Variants in CSRNP3 observed in about 807,000 individuals in gnomAD.
The protein encoded by CSRNP3 is cysteine and serine rich nuclear protein 3.
A neutral mutation model predicts 48.0 loss-of-function variants in CSRNP3; 12 were observed. The observed-to-expected ratio is 0.25, with a 90% CI of 0.16 to 0.41. CSRNP3 has a LOEUF of 0.41. CSRNP3 is among the 10% of genes least tolerant of loss of function. The probability of loss-of-function intolerance (pLI) is 1.00; values close to 1 mark genes in which losing one functional copy is unlikely to be tolerated. For missense variants in CSRNP3, 580 were observed against 724.4 expected, an observed-to-expected ratio of 0.80 and a Z score of 2.29; for synonymous variants, 263 against 269.7, an observed-to-expected ratio of 0.98 and a Z score of 0.24.
chr2:165,628,439 A>G (rs1686475321), intron 4 of CSRNP3, among the ~76,000 whole-genome samples: 1 of 152,100 alleles, frequency 6.6e-6, no homozygotes. Context: ...AAACATCAGT[A>G]TTGGCTGGGC....
intron 4 of CSRNP3, among the ~76,000 whole-genome samples, chr2:165,616,362 A>T (rs1686243218): frequency 6.6e-6 from 1 of 152,100 alleles, no homozygotes; most frequent in African/African-American, 2.4e-5. Flanking sequence ...CTGTACCAGT[A>T]CATTTTATAC....
chr2:165,680,606 T>C lies in CSRNP3; in HGVS notation c.*853T>C, dbSNP rs1687517314. 6.6e-6 allele frequency: 1 copy of C among 152,540 alleles called. No homozygotes were observed. The highest frequency in any genetic ancestry group is 1.5e-5 in the Non-Finnish European group (1 of 68,010). 9.4% of individuals were successfully genotyped at this position (152,540 alleles called of 1,614,324 possible). A position where few individuals can be genotyped will look rare whatever the true frequency, so the allele number is the denominator to read the frequency against. On this transcript the variant is annotated 3_prime_UTR_variant, in exon 7 of 7. Coordinates refer to ENST00000651982, the MANE Select transcript of CSRNP3 (RefSeq NM_001172173.2). ...TAGCTTGGACAGCACCTTTAAGCTC[T>C]ACCCCCTACATCAAAATGCACTTTA...
chr2:165,612,395 C>G (rs1686153213), intron 4 of CSRNP3, among the ~76,000 whole-genome samples: 1 of 152,016 alleles, frequency 6.6e-6, no homozygotes, highest in Non-Finnish European at 1.5e-5. Flanking sequence ...CAGTAATGGA[C>G]TAGAAATGAT....
intron 2 of CSRNP3, among the ~76,000 whole-genome samples, chr2:165,496,649 G>GAAA (rs1684287052): frequency 6.6e-6 from 1 of 151,948 alleles, no homozygotes; most frequent in Admixed American, 6.6e-5. Context: ...GAGCACTGCA[G>GAAA]GAGTTACCTA....
intron 1 of CSRNP3, among the ~76,000 whole-genome samples, chr2:165,484,591 A>C (rs1370826446): frequency 1.3e-5 from 2 of 152,176 alleles, no homozygotes; most frequent in African/African-American, 4.8e-5. Flanking sequence ...TCTGTATTAT[A>C]GGGTGTTTTT....
At chr2:165,652,431 G>A (rs538581134) in intron 4 of CSRNP3, among the ~76,000 whole-genome samples, 9 of 151,826 alleles carry the variant, frequency 5.9e-5, no homozygotes, top group East Asian at 2.0e-4. Context: ...CCCAGGAGGC[G>A]GAGGTTGCAG....
intron 3 of CSRNP3, among the ~76,000 whole-genome samples, chr2:165,583,808 T>G (rs549342382): frequency 2.6e-5 from 4 of 151,996 alleles, no homozygotes; most frequent in Non-Finnish European, 5.9e-5. Context: ...TAGAACAAAT[T>G]AAACAAACAC....
In CSRNP3 at chr2:165,687,048, CTT is replaced by C. The variant is rs1481961874; in HGVS notation, c.*7296_*7297del. On this transcript the variant is annotated 3_prime_UTR_variant, in exon 7 of 7. Coordinates refer to ENST00000651982, the MANE Select transcript of CSRNP3 (RefSeq NM_001172173.2). ...TTCCTTGGCAACACAATTCAGCTCT[CTT>C]AGGTTTTCTCACAATAAGAAAATAT... is the stretch of plus-strand genomic sequence containing the variant. The C allele has an allele frequency of 2.0e-5, 3 of 152,066 alleles. No homozygotes were observed. Among genetic ancestry groups the C allele is most frequent in the Non-Finnish European group, 4.4e-5 (3 of 68,008 alleles). 9.4% of individuals were successfully genotyped at this position (152,066 alleles called of 1,614,324 possible). A position where few individuals can be genotyped will look rare whatever the true frequency, so the allele number is the denominator to read the frequency against.
intron 1 of CSRNP3, among the ~76,000 whole-genome samples, chr2:165,478,548 C>G (rs1238860061): frequency 6.6e-6 from 1 of 152,186 alleles, no homozygotes; most frequent in East Asian, 1.9e-4. Context: ...CTCCTTTACT[C>G]TCATGTCTTG....
intron 4 of CSRNP3, among the ~76,000 whole-genome samples, chr2:165,625,941 G>T (rs1416122198): frequency 6.9e-6 from 1 of 144,770 alleles, no homozygotes; most frequent in Non-Finnish European, 1.5e-5. Context: ...AGAAAAAAAT[G>T]ACTGGGCACA....
At chr2:165,563,441 G>A (rs1251169889) in intron 3 of CSRNP3, among the ~76,000 whole-genome samples, 3 of 151,794 alleles carry the variant, frequency 2.0e-5, no homozygotes, top group Non-Finnish European at 4.4e-5. Context: ...CCCTTTTTTT[G>A]TCTATAAATC....
chr2:165,584,132 C>A (rs1685590333), intron 3 of CSRNP3, among the ~76,000 whole-genome samples: 1 of 152,126 alleles, frequency 6.6e-6, no homozygotes, highest in Admixed American at 6.6e-5. Context: ...ATATTATTAT[C>A]TTTAAAGCAA....
chr2:165,577,115 G>T, intron 3 of CSRNP3, among the ~76,000 whole-genome samples: 1 of 150,028 alleles, frequency 6.7e-6, no homozygotes, highest in African/African-American at 2.4e-5. Context: ...TGCTATATTT[G>T]TTCTCCTGAA....
At chr2:165,478,594 C>T (rs1319515614) in intron 1 of CSRNP3, among the ~76,000 whole-genome samples, 1 of 152,140 alleles carries the variant, frequency 6.6e-6, no homozygotes, top group Non-Finnish European at 1.5e-5. Context: ...TTCAAAAGTA[C>T]CTGGTTATTT....
intron 4 of CSRNP3, among the ~76,000 whole-genome samples, chr2:165,639,693 G>C (rs1427927825): frequency 6.6e-6 from 1 of 152,138 alleles, no homozygotes; most frequent in East Asian, 1.9e-4. Context: ...AATGGAAAGG[G>C]CATTGCTGTG....
intron 1 of CSRNP3, among the ~76,000 whole-genome samples, chr2:165,492,389 A>C (rs1384943963): frequency 6.6e-6 from 1 of 152,106 alleles, no homozygotes; most frequent in Non-Finnish European, 1.5e-5. Context: ...CTAGCCCTGA[A>C]GACTTGTCTG....
intron 2 of CSRNP3, among the ~76,000 whole-genome samples, chr2:165,500,818 T>G (rs1684349356): frequency 6.6e-6 from 1 of 152,096 alleles, no homozygotes; most frequent in South Asian, 2.1e-4. Context: ...TTTTTGAAAA[T>G]GTATATACTT....
At chr2:165,606,131 A>G (rs1287013506) in intron 4 of CSRNP3, among the ~76,000 whole-genome samples, 5 of 151,912 alleles carry the variant, frequency 3.3e-5, no homozygotes, top group African/African-American at 1.2e-4. Context: ...ATTATAAAAT[A>G]TACAAAAAAA....
intron 2 of CSRNP3, among the ~76,000 whole-genome samples, chr2:165,500,379 G>A (rs935599910): frequency 8.2e-5 from 12 of 147,226 alleles, no homozygotes; most frequent in Admixed American, 1.4e-4. Flanking sequence ...ATGTATATGC[G>A]TATATGTATA....
Sources: allele counts gnomAD v4.1 joint callset (sites outside exome capture counted in the v4.1 genomes callset), GRCh38; gene constraint gnomAD v4.1.1; transcripts MANE v1.5; gene names NCBI Gene and HGNC (gene_info 2026-07-23, HGNC 2026-07-21).